Variants in SVIL observed in about 807,000 individuals in gnomAD.
SVIL encodes the protein archvillin.
A neutral mutation model predicts 240.4 loss-of-function variants in SVIL; 101 were observed. The ratio of observed to expected loss-of-function variants is 0.42; its 90% CI spans 0.36 to 0.50. The LOEUF (loss-of-function observed/expected upper bound fraction) is 0.50, where lower values mean the gene tolerates loss of function less well. Ranked by LOEUF, SVIL falls within the 20% of genes least tolerant of loss-of-function variation. SVIL has a pLI of 0.01. For missense variants in SVIL, 2,512 were observed against 2,818.7 expected (o/e 0.89, Z 2.46); for synonymous variants, 999 against 1,100.0 (o/e 0.91, Z 1.82).
At chr10:29,646,465 T>A (rs1479731568) in intron 3 of SVIL, among the ~76,000 whole-genome samples, 3 of 152,308 alleles carry the variant, frequency 2.0e-5, no homozygotes, top group East Asian at 3.9e-4. Flanking sequence ...CTGGCCCGTA[T>A]GGTAAGCTAA....
At chr10:29,553,100 TG>T (rs1953529934) in intron 5 of SVIL, among the ~76,000 whole-genome samples, 1 of 149,722 alleles carries the variant, frequency 6.7e-6, no homozygotes, top group Non-Finnish European at 1.5e-5. Flanking sequence ...TTACTGGTGT[TG>T]AGCCACCAAG....
rs1547169 is a variant in SVIL at position 29,554,904 on chromosome 10, C to A, written c.39G>T (p.Gly13=). The A allele has an allele frequency of 2.5e-6, 4 of 1,612,344 alleles. No homozygotes were observed. Among genetic ancestry groups the A allele is most frequent in the Non-Finnish European group, 2.5e-6 (3 of 1,179,384 alleles). Residue 13 remains glycine (G), a synonymous_variant, in exon 5 of 38, where the codon GGG becomes GGT. Transcript: ENST00000355867. ...GGATGGGCTGAGTGTCATTTTCAAT[C>A]CCTTCCAGGCGCCTGGCAATTCTTT... The part of the protein sequence containing the change: ...RKERIARRLE[G]IENDTQPILL...
At chr10:29,630,434 G>A (rs1958041183) in intron 1 of SVIL, among the ~76,000 whole-genome samples, 1 of 152,076 alleles carries the variant, frequency 6.6e-6, no homozygotes, top group Non-Finnish European at 1.5e-5. Flanking sequence ...CCTACAATAG[G>A]GAGTGTCTCT....
chr10:29,642,417 G>A (rs1384730522), intron 3 of SVIL, among the ~76,000 whole-genome samples: 1 of 123,454 alleles, frequency 8.1e-6, no homozygotes, highest in South Asian at 3.1e-4. Flanking sequence ...GAGAGAGAGT[G>A]AGAAAGAAAG....
At chr10:29,585,477 C>G (rs556814079) in intron 1 of SVIL, among the ~76,000 whole-genome samples, 2 of 152,280 alleles carry the variant, frequency 1.3e-5, no homozygotes, top group Admixed American at 1.3e-4. Flanking sequence ...GCATGAGCCA[C>G]CACGCCCGCC....
chr10:29,717,713 G>C (rs1168730500), intron 1 of SVIL, among the ~76,000 whole-genome samples: 1 of 152,108 alleles, frequency 6.6e-6, no homozygotes, highest in Non-Finnish European at 1.5e-5. Flanking sequence ...TTCTAAAAAA[G>C]ATGAACCAGT....
chr10:29,464,397 C>G (rs1944640869), intron 34 of SVIL, among the ~76,000 whole-genome samples: 1 of 152,182 alleles, frequency 6.6e-6, no homozygotes, highest in Non-Finnish European at 1.5e-5. Context: ...CATGACTGCG[C>G]CACTGCACTC....
chr10:29,554,903 TC>T lies in SVIL; in HGVS notation c.39del (p.Ile14LeufsTer17). The T allele has an allele frequency of 6.2e-7, 1 of 1,613,244 alleles. No homozygotes were observed. Reference sequence around the variant, plus strand: ...AGGATGGGCTGAGTGTCATTTTCAATCCCTTCCAGGCGCCTGGCAATTCTTT... The same window carrying T: ...AGGATGGGCTGAGTGTCATTTTCAATCCTTCCAGGCGCCTGGCAATTCTTT... The part of the protein sequence containing the change: ...RKERIARRLE[G>X]IENDTQPILL... On this transcript the variant is annotated frameshift_variant, in exon 5 of 38. Transcript: ENST00000355867. LOFTEE classifies it high-confidence loss of function.
At chr10:29,599,336 A>T (rs566269455) in intron 1 of SVIL, among the ~76,000 whole-genome samples, 3 of 152,026 alleles carry the variant, frequency 2.0e-5, no homozygotes, top group Non-Finnish European at 4.4e-5. Flanking sequence ...AAAATTTAGA[A>T]CACATTCAAC....
chr10:29,570,193 G>A (rs1245731389), intron 1 of SVIL, among the ~76,000 whole-genome samples: 1 of 152,166 alleles, frequency 6.6e-6, no homozygotes, highest in Non-Finnish European at 1.5e-5. Flanking sequence ...GCCAACTAAA[G>A]AAATACAATA....
intron 1 of SVIL, among the ~76,000 whole-genome samples, chr10:29,616,088 C>T (rs1957417321): frequency 1.3e-5 from 2 of 152,134 alleles, no homozygotes; most frequent in Non-Finnish European, 2.9e-5. Flanking sequence ...CTTATTAAAC[C>T]TTTACTATTT....
intron 1 of SVIL, among the ~76,000 whole-genome samples, chr10:29,580,014 C>T (rs1297177140): frequency 6.6e-6 from 1 of 151,890 alleles, no homozygotes; most frequent in African/African-American, 2.4e-5. Flanking sequence ...AAGCGTAGAC[C>T]AACAACTTAA....
At chr10:29,590,714 T>TTGAAATA (rs1956357389) in intron 1 of SVIL, among the ~76,000 whole-genome samples, 1 of 152,238 alleles carries the variant, frequency 6.6e-6, no homozygotes, top group Non-Finnish European at 1.5e-5. Flanking sequence ...TGTGTTAAGC[T>TTGAAATA]TGAAATATGC....
At chr10:29,715,927 T>C (rs145897084) in intron 1 of SVIL, among the ~76,000 whole-genome samples, 2 of 152,256 alleles carry the variant, frequency 1.3e-5, no homozygotes, top group African/African-American at 4.8e-5. Flanking sequence ...AGGAACTGAA[T>C]GTCAACTTTT....
In SVIL at chr10:29,513,644, C is replaced by CA. The variant is rs1950013531; in HGVS notation, c.3390-784dup. On this transcript the variant is annotated intron_variant, in intron 16 of 37. Transcript: ENST00000355867. ...TTTGATGTTTATGACTGTTTCTCCT[C>CA]AGGTGTTCTAAGCCCTATTCTTTTC... 5.3e-5 allele frequency among the ~76,000 whole-genome samples: 8 copies of CA among 152,210 alleles called. No homozygotes were observed. The South Asian group carries it at 1.7e-3, about 32-fold the overall frequency.
At chr10:29,577,702 TAGTGGGA>T (rs1381340352) in intron 1 of SVIL, among the ~76,000 whole-genome samples, 1 of 152,224 alleles carries the variant, frequency 6.6e-6, no homozygotes, top group Non-Finnish European at 1.5e-5. Flanking sequence ...AGATACCCAG[TAGTGGGA>T]TTGCTGGATT....
chr10:29,725,023 G>C (rs1012318933), intron 1 of SVIL, among the ~76,000 whole-genome samples: 1 of 111,480 alleles, frequency 9.0e-6, no homozygotes, highest in African/African-American at 3.8e-5. Context: ...AGTGAGACCC[G>C]GTCTCAAAAA....
intron 1 of SVIL, among the ~76,000 whole-genome samples, chr10:29,618,832 C>A (rs1327957679): frequency 1.3e-5 from 2 of 152,086 alleles, no homozygotes; most frequent in African/African-American, 4.8e-5. Context: ...GAATTCCCGC[C>A]CCCTCAGCCT....
chr10:29,725,953 G>T (rs981457586), intron 1 of SVIL, among the ~76,000 whole-genome samples: 3 of 152,154 alleles, frequency 2.0e-5, no homozygotes, highest in Non-Finnish European at 4.4e-5. Context: ...ACAAGGTCTT[G>T]CTCTGTGGCC....
Sources: gnomAD v4.1 joint callset for allele counts (sites outside exome capture counted in the v4.1 genomes callset) on GRCh38, gnomAD v4.1.1 for gene constraint, MANE v1.5 for transcripts, NCBI Gene and HGNC (gene_info 2026-07-23, HGNC 2026-07-21) for gene names.